TMCC1: variants seen among roughly 807,000 people sequenced by gnomAD.
The protein encoded by TMCC1 is transmembrane and coiled-coil domain family 1, also known as transmembrane and coiled-coil domains protein 1.
A neutral mutation model predicts 52.4 loss-of-function variants in TMCC1; 15 were observed. The observed-to-expected ratio is 0.29, with a 90% CI of 0.19 to 0.44. The LOEUF (loss-of-function observed/expected upper bound fraction) is 0.44, where lower values mean the gene tolerates loss of function less well. Ranked by LOEUF, TMCC1 falls within the 20% of genes least tolerant of loss-of-function variation. TMCC1 has a pLI of 1.00. For synonymous variants in TMCC1, 279 were observed against 301.9 expected (o/e 0.92, Z 0.79); for missense variants, 503 against 806.0 (o/e 0.62, Z 4.55).
intron 1 of TMCC1, among the ~76,000 whole-genome samples, chr3:129,888,016 A>C (rs796301842): frequency 6.6e-6 from 1 of 152,188 alleles, no homozygotes; most frequent in Non-Finnish European, 1.5e-5. Flanking sequence ...GACCTAAAAA[A>C]CATTAGAAAT....
chr3:129,821,996 G>A (rs998065205), intron 4 of TMCC1, among the ~76,000 whole-genome samples: 3 of 152,142 alleles, frequency 2.0e-5, no homozygotes, highest in East Asian at 1.9e-4. Flanking sequence ...CTGGGAAGTC[G>A]AGGCTGCAGT....
chr3:129,787,612 CATT>C (rs1476073032), intron 4 of TMCC1, among the ~76,000 whole-genome samples: 1 of 152,132 alleles, frequency 6.6e-6, no homozygotes, highest in Non-Finnish European at 1.5e-5. Flanking sequence ...GAATATTTCA[CATT>C]ATTATTACAA....
At chr3:129,754,905 T>G (rs2052858075) in intron 4 of TMCC1, among the ~76,000 whole-genome samples, 1 of 151,946 alleles carries the variant, frequency 6.6e-6, no homozygotes, top group Non-Finnish European at 1.5e-5. Flanking sequence ...TGGTGAAACC[T>G]CGTCTCTACT....
chr3:129,709,330 T>C (rs2048471971), intron 4 of TMCC1, among the ~76,000 whole-genome samples: 1 of 151,474 alleles, frequency 6.6e-6, no homozygotes, highest in South Asian at 2.1e-4. Context: ...TAGCTGGGCA[T>C]GGCATGGTGG....
At chr3:129,753,347 C>G (rs2052700241) in intron 4 of TMCC1, among the ~76,000 whole-genome samples, 1 of 152,098 alleles carries the variant, frequency 6.6e-6, no homozygotes, top group African/African-American at 2.4e-5. Flanking sequence ...ATAAAGAAAT[C>G]AAGCTTTCCA....
chr3:129,745,393 C>G (rs768918003), intron 4 of TMCC1, among the ~76,000 whole-genome samples: 3 of 152,244 alleles, frequency 2.0e-5, no homozygotes, highest in African/African-American at 4.8e-5. Flanking sequence ...GAGCGCTTCA[C>G]TCCGCAGCTC....
intron 1 of TMCC1, among the ~76,000 whole-genome samples, chr3:129,891,130 G>A (rs1298226391): frequency 1.3e-5 from 2 of 152,180 alleles, no homozygotes; most frequent in Non-Finnish European, 2.9e-5. Flanking sequence ...CCATTTTTCA[G>A]GTCACAACTC....
At chr3:129,853,166 G>A (rs575104145) in intron 2 of TMCC1, among the ~76,000 whole-genome samples, 1 of 152,086 alleles carries the variant, frequency 6.6e-6, no homozygotes, top group South Asian at 2.1e-4. Context: ...GGGCAACAGA[G>A]CAAGACCTTG....
At chr3:129,666,601 G>A (rs985465418) in intron 5 of TMCC1, among the ~76,000 whole-genome samples, 6 of 152,066 alleles carry the variant, frequency 3.9e-5, no homozygotes, top group Admixed American at 6.6e-5. Context: ...GTAGCTGGGC[G>A]TGGTGGCAGA....
chr3:129,728,798 G>C (rs1372619478), intron 4 of TMCC1, among the ~76,000 whole-genome samples: 1 of 152,088 alleles, frequency 6.6e-6, no homozygotes, highest in East Asian at 1.9e-4. Flanking sequence ...CTATCTTTCT[G>C]AGAGTGTCAC....
intron 4 of TMCC1, among the ~76,000 whole-genome samples, chr3:129,726,868 C>CAGAAAAAAAAAAAA (rs2050134810): frequency 2.3e-4 from 3 of 12,822 alleles, no homozygotes; most frequent in African/African-American, 6.5e-4. Flanking sequence ...GACTCTGTCT[C>CAGAAAAAAAAAAAA]AAAAAAAAAA....
intron 4 of TMCC1, among the ~76,000 whole-genome samples, chr3:129,722,446 C>T (rs1426913883): frequency 2.0e-5 from 3 of 152,150 alleles, no homozygotes; most frequent in Non-Finnish European, 2.9e-5. Flanking sequence ...TCCACAAAAC[C>T]GGTCCCTGGT....
rs368045992 is a variant in TMCC1 at position 129,887,542 on chromosome 3, C to CAAA, written c.-435+5949_-435+5951dup. Among the ~76,000 whole-genome samples, 749 of 91,302 alleles carry CAAA rather than the reference C, an allele frequency of 8.2e-3. 7 individuals are homozygous for CAAA. The highest frequency in any genetic ancestry group is 0.028 in the African/African-American group (697 of 25,010). 59.9% of individuals were successfully genotyped at this position (91,302 alleles called of 152,430 possible). On this transcript the variant is annotated intron_variant, in intron 1 of 6. Transcript: ENST00000393238. ...GGCGACAGAGCAAGACTCCGTCTCT[C>CAAA]AAAAAAAAAAAAAAAACAACAAAAA...
intron 1 of TMCC1, among the ~76,000 whole-genome samples, chr3:129,891,050 G>A (rs190476829): frequency 6.6e-5 from 10 of 152,128 alleles, no homozygotes; most frequent in African/African-American, 2.4e-4. Context: ...TTCAACACTG[G>A]AAAACAAGAG....
chr3:129,657,292 C>T (rs2086725433), intron 5 of TMCC1, among the ~76,000 whole-genome samples: 2 of 152,180 alleles, frequency 1.3e-5, no homozygotes, highest in African/African-American at 2.4e-5. Context: ...TGATATTAAA[C>T]ATGGCTCATA....
At chr3:129,848,743 T>C (rs2059779088) in intron 2 of TMCC1, among the ~76,000 whole-genome samples, 1 of 152,208 alleles carries the variant, frequency 6.6e-6, no homozygotes, top group South Asian at 2.1e-4. Context: ...TTCTATTCTG[T>C]AATCTGACTA....
chr3:129,854,344 C>T (rs1032739137), intron 2 of TMCC1, among the ~76,000 whole-genome samples: 1 of 150,484 alleles, frequency 6.6e-6, no homozygotes, highest in Non-Finnish European at 1.5e-5. Flanking sequence ...GGCAAGATCA[C>T]GCCACCACAC....
intron 4 of TMCC1, among the ~76,000 whole-genome samples, chr3:129,802,348 T>C (rs2057242712): frequency 6.6e-6 from 1 of 152,250 alleles, no homozygotes; most frequent in South Asian, 2.1e-4. Flanking sequence ...ACATTTATAC[T>C]TCAAAAAGTG....
chr3:129,833,045 T>C, intron 2 of TMCC1, among the ~76,000 whole-genome samples: 1 of 152,090 alleles, frequency 6.6e-6, no homozygotes. Flanking sequence ...AAAGAAAGTA[T>C]TCTGGAAAAA....
Sources: gnomAD v4.1 joint callset for allele counts (sites outside exome capture counted in the v4.1 genomes callset) on GRCh38, gnomAD v4.1.1 for gene constraint, MANE v1.5 for transcripts, NCBI Gene and HGNC (gene_info 2026-07-23, HGNC 2026-07-21) for gene names.